The following HS6ST3 variants were observed in gnomAD, a reference collection of about 807,000 sequenced individuals.
HS6ST3 encodes heparan-sulfate 6-O-sulfotransferase 3.
Under a neutral mutation model 36.7 loss-of-function variants are expected in HS6ST3, and 12 were observed. That is an observed-to-expected ratio of 0.33 (90% confidence interval 0.21 to 0.53). The LOEUF is 0.53. Among genes scored for constraint, HS6ST3 ranks in the 20% least tolerant of loss-of-function variants. The pLI is 0.95. For missense variants in HS6ST3, 584 were observed against 640.9 expected (o/e 0.91, Z 0.96); for synonymous variants, 240 against 257.5 (o/e 0.93, Z 0.65).
chr13:96,323,879 C>T (rs146291244), intron 1 of HS6ST3, among the ~76,000 whole-genome samples: 147 of 152,306 alleles, frequency 9.7e-4, no homozygotes, highest in African/African-American at 3.4e-3. Flanking sequence ...TTGTCCATTT[C>T]GTTCAGTGCC....
intron 1 of HS6ST3, among the ~76,000 whole-genome samples, chr13:96,346,261 T>C (rs1215619724): frequency 4.6e-5 from 7 of 152,166 alleles, no homozygotes; most frequent in Admixed American, 1.3e-4. Flanking sequence ...GTGTTTGTGA[T>C]TGTATTAAAT....
chr13:96,438,140 A>G (rs1358864731), intron 1 of HS6ST3, among the ~76,000 whole-genome samples: 2 of 152,172 alleles, frequency 1.3e-5, no homozygotes, highest in East Asian at 3.8e-4. Flanking sequence ...TGGTTCATTC[A>G]TTCAATATAA....
chr13:96,576,973 A>G (rs1763704), intron 1 of HS6ST3, among the ~76,000 whole-genome samples: 54 of 145,060 alleles, frequency 3.7e-4, no homozygotes, highest in Non-Finnish European at 7.4e-4. Flanking sequence ...AAAAAAAAAA[A>G]GTTGCTCTAT....
chr13:96,578,774 G>A (rs1393685142), intron 1 of HS6ST3, among the ~76,000 whole-genome samples: 2 of 152,070 alleles, frequency 1.3e-5, no homozygotes, highest in African/African-American at 4.8e-5. Flanking sequence ...TGGCCAGGCT[G>A]GTCTTGAATT....
At chr13:96,249,207 T>C (rs1260426488) in intron 1 of HS6ST3, among the ~76,000 whole-genome samples, 1 of 152,170 alleles carries the variant, frequency 6.6e-6, no homozygotes, top group Non-Finnish European at 1.5e-5. Context: ...TCTACATTTG[T>C]GTCCCAGTGC....
intron 1 of HS6ST3, among the ~76,000 whole-genome samples, chr13:96,592,459 T>G (rs912039511): frequency 2.6e-5 from 4 of 152,170 alleles, no homozygotes; most frequent in Non-Finnish European, 5.9e-5. Flanking sequence ...ACACCACAAT[T>G]ACAGTGTTAT....
intron 1 of HS6ST3, among the ~76,000 whole-genome samples, chr13:96,560,920 A>G (rs754324390): frequency 1.3e-5 from 2 of 152,224 alleles, no homozygotes; most frequent in African/African-American, 2.4e-5. Flanking sequence ...ATTTCATGTC[A>G]TGGATTGGAA....
intron 1 of HS6ST3, among the ~76,000 whole-genome samples, chr13:96,702,248 C>A (rs986395413): frequency 1.3e-5 from 2 of 152,146 alleles, no homozygotes; most frequent in African/African-American, 4.8e-5. Flanking sequence ...CCCCTTATAT[C>A]AAAAGCTTTC....
At chr13:96,181,234 GGTA>G (rs1245574214) in intron 1 of HS6ST3, among the ~76,000 whole-genome samples, 1 of 152,008 alleles carries the variant, frequency 6.6e-6, no homozygotes, top group African/African-American at 2.4e-5. Flanking sequence ...AAAATTTCAT[GGTA>G]TATTACAGAC....
chr13:96,272,991 T>G (rs568996027), intron 1 of HS6ST3, among the ~76,000 whole-genome samples: 1 of 152,116 alleles, frequency 6.6e-6, no homozygotes, highest in South Asian at 2.1e-4. Context: ...GAATGTCAAA[T>G]GAAATCATGC....
chr13:96,260,830 G>A (rs564064477), intron 1 of HS6ST3, among the ~76,000 whole-genome samples: 1 of 151,928 alleles, frequency 6.6e-6, no homozygotes, highest in South Asian at 2.1e-4. Flanking sequence ...AGTAAAAATG[G>A]GGTTTTGCCA....
chr13:96,832,773 A>C lies in HS6ST3; in HGVS notation c.991A>C (p.Ser331Arg). ...GCYNLTFMNESERNTILLQSA... is the reference protein window; with the variant it reads ...GCYNLTFMNERERNTILLQSA... ...CTATAACTTGACTTTCATGAACGAG[A>C]GTGAAAGAAACACCATCCTGTTGCA... The change falls in exon 2 of 2, where the codon AGT (serine) becomes CGT (arginine). Residue 331 changes from serine (S) to arginine (R), a missense_variant. Ser to Arg is a moderately radical substitution (Grantham distance 110). Coordinates refer to ENST00000376705, the MANE Select transcript of HS6ST3 (RefSeq NM_153456.4). The C allele has an allele frequency of 6.2e-7, 1 of 1,614,136 alleles. No individual in the cohort carries two copies. Among genetic ancestry groups the C allele is most frequent in the Non-Finnish European group, 8.5e-7 (1 of 1,180,026 alleles).
intron 1 of HS6ST3, among the ~76,000 whole-genome samples, chr13:96,305,832 T>A (rs1594748624): frequency 6.6e-6 from 1 of 151,856 alleles, no homozygotes; most frequent in East Asian, 1.9e-4. Context: ...ATTGTTTGCC[T>A]TTCCCCCTTA....
Position 96,750,732 on chromosome 13 carries a change from A to G in HS6ST3, c.708-81758A>G, listed in dbSNP as rs1409745215. On this transcript the variant is annotated intron_variant, in intron 1 of 1. Coordinates refer to ENST00000376705, the MANE Select transcript of HS6ST3 (RefSeq NM_153456.4). ...CAAGAAAGACTGGAAACTTTGTCCA[A>G]TAGGTAGGAGACGAGCCATGATGTA... 3.9e-5 allele frequency among the ~76,000 whole-genome samples: 6 copies of G among 152,334 alleles called. No homozygotes were observed. In the South Asian group the frequency reaches 1.0e-3, roughly 26 times the overall value.
chr13:96,656,595 C>G (rs2056625735), intron 1 of HS6ST3, among the ~76,000 whole-genome samples: 1 of 152,094 alleles, frequency 6.6e-6, no homozygotes, highest in South Asian at 2.1e-4. Flanking sequence ...GTGTTTAGGG[C>G]CAAGGCTTTG....
chr13:96,467,349 A>G (rs1236401748), intron 1 of HS6ST3, among the ~76,000 whole-genome samples: 2 of 152,190 alleles, frequency 1.3e-5, no homozygotes, highest in African/African-American at 2.4e-5. Context: ...ATCTGTCCTG[A>G]GTCCCGTTTC....
intron 1 of HS6ST3, among the ~76,000 whole-genome samples, chr13:96,630,765 A>C (rs899672725): frequency 6.6e-6 from 1 of 152,020 alleles, no homozygotes. Flanking sequence ...TTCATTTTGG[A>C]TTCCTTATTT....
chr13:96,376,588 G>C (rs532725953), intron 1 of HS6ST3, among the ~76,000 whole-genome samples: 1 of 152,114 alleles, frequency 6.6e-6, no homozygotes. Context: ...TTGAATCCTT[G>C]ATCTACCTTT....
At position 96,609,267 on chromosome 13, in the gene HS6ST3, G is replaced by A. The variant is rs141022094; in HGVS notation, c.708-223223G>A. Among the ~76,000 whole-genome samples the A allele has an allele frequency of 5.9e-3, 894 of 152,042 alleles. 5 individuals are homozygous for A. The highest frequency in any genetic ancestry group is 0.02 in the African/African-American group (843 of 41,472). ...TTGCAGATGTGAGCCACCACGGCCG[G>A]CCTCTTTTATTTTAAAATAAAAAGA... On this transcript the variant is annotated intron_variant, in intron 1 of 1. Transcript: ENST00000376705.
Sources: allele counts gnomAD v4.1 joint callset (sites outside exome capture counted in the v4.1 genomes callset), GRCh38; gene constraint gnomAD v4.1.1; transcripts MANE v1.5; gene names NCBI Gene and HGNC (gene_info 2026-07-23, HGNC 2026-07-21).